ITSN2: variants seen among roughly 807,000 people sequenced by gnomAD.
ITSN2 encodes intersectin-2.
In ITSN2, 156 loss-of-function variants were observed where a neutral mutation model predicts 243.7. That is an observed-to-expected ratio of 0.64 (90% CI 0.56 to 0.73). ITSN2 has a LOEUF of 0.73. Ranked by LOEUF, ITSN2 falls within the 30% of genes least tolerant of loss-of-function variation. ITSN2 has a pLI of 0.00. For missense variants in ITSN2, 1,801 were observed against 1,996.1 expected, an observed-to-expected ratio of 0.90 and a Z score of 1.86; for synonymous variants, 703 against 699.9, an observed-to-expected ratio of 1.00 and a Z score of -0.07.
intron 29 of ITSN2, chr2:24,240,203 C>T (rs1239014001): frequency 1.3e-5 from 2 of 152,070 alleles, no homozygotes; most frequent in African/African-American, 2.4e-5. Context: ...TTTAAAGTAA[C>T]TGTCTTTGAA....
At chr2:24,283,632 G>A (rs1005031862) in intron 17 of ITSN2, among the ~76,000 whole-genome samples, 2 of 152,194 alleles carry the variant, frequency 1.3e-5, no homozygotes, top group Non-Finnish European at 1.5e-5. Flanking sequence ...TGACTGCTCT[G>A]ACAGTATAGA....
At chr2:24,280,237 G>C (rs1275772696) in intron 17 of ITSN2, among the ~76,000 whole-genome samples, 1 of 152,182 alleles carries the variant, frequency 6.6e-6, no homozygotes, top group Admixed American at 6.5e-5. Flanking sequence ...GCCTAAAGGA[G>C]TGGTGGTTAA....
chr2:24,208,544 G>A (rs143335235), intron 36 of ITSN2, among the ~76,000 whole-genome samples: 1 of 152,340 alleles, frequency 6.6e-6, no homozygotes, highest in Non-Finnish European at 1.5e-5. Context: ...CACTCGCAAG[G>A]CGCTGGGACC....
At chr2:24,330,318 G>A (rs368855612) in intron 1 of ITSN2, 7 of 420,800 alleles carry the variant, frequency 1.7e-5, no homozygotes, top group Admixed American at 3.4e-5. Context: ...AAGAAGACGC[G>A]AGAACGAACC....
chr2:24,334,367 G>A (rs1686122016), intron 1 of ITSN2: 2 of 345,980 alleles, frequency 5.8e-6, no homozygotes, highest in Non-Finnish European at 1.1e-5. Flanking sequence ...CCTGATTTTT[G>A]TATTTTTAGT....
chr2:24,306,367 G>A (rs1297769748), intron 8 of ITSN2, among the ~76,000 whole-genome samples: 1 of 152,064 alleles, frequency 6.6e-6, no homozygotes, highest in Non-Finnish European at 1.5e-5. Flanking sequence ...TTTGCACATG[G>A]CCCCTTCCCC....
intron 2 of ITSN2, among the ~76,000 whole-genome samples, chr2:24,318,270 T>G (rs1282377944): frequency 1.3e-5 from 2 of 152,160 alleles, no homozygotes; most frequent in Admixed American, 6.6e-5. Context: ...CTCAGCCGCC[T>G]GAGTAGCTGG....
intron 2 of ITSN2, chr2:24,326,649 G>A (rs1050482851): frequency 1.2e-5 from 2 of 168,978 alleles, no homozygotes; most frequent in Non-Finnish European, 2.9e-5. Context: ...CCCAATAGGA[G>A]CAATACTCAC....
At chr2:24,347,826 C>T (rs55863105) in intron 1 of ITSN2, among the ~76,000 whole-genome samples, 83,518 of 151,736 alleles carry the variant, frequency 0.55, 24,174 homozygotes, top group East Asian at 0.74. Context: ...AATCCTAGCG[C>T]TTTTGGGAGG....
At position 24,335,790 on chromosome 2, in the gene ITSN2, A is replaced by G. The variant is rs550977019; in HGVS notation, c.-33-7675T>C. Reference sequence around the variant, plus strand: ...AGTAGCTGGGATTAAGGTGCCTGCCACCATGCCCAGCTAATTTTTGTATTT... The same window carrying G: ...AGTAGCTGGGATTAAGGTGCCTGCCGCCATGCCCAGCTAATTTTTGTATTT... On this transcript the variant is annotated intron_variant, in intron 1 of 39. Transcript: ENST00000355123. 5.3e-5 allele frequency among the ~76,000 whole-genome samples: 8 copies of G among 151,588 alleles called. No homozygotes were observed. The South Asian group carries it at 1.5e-3, about 28-fold the overall frequency.
intron 15 of ITSN2, among the ~76,000 whole-genome samples, chr2:24,289,063 CTTTG>C (rs1679909419): frequency 6.6e-6 from 1 of 152,146 alleles, no homozygotes; most frequent in Admixed American, 6.5e-5. Flanking sequence ...ATGCTTCCAA[CTTTG>C]TTTTTCTTTC....
At chr2:24,277,838 CATAA>C (rs1312662591) in intron 17 of ITSN2, among the ~76,000 whole-genome samples, 3 of 152,138 alleles carry the variant, frequency 2.0e-5, no homozygotes, top group Non-Finnish European at 4.4e-5. Context: ...AAAATAAATA[CATAA>C]ATAAATAAAA....
chr2:24,343,281 A>C (rs1034462003), intron 1 of ITSN2, among the ~76,000 whole-genome samples: 6 of 152,176 alleles, frequency 3.9e-5, no homozygotes, highest in African/African-American at 1.4e-4. Context: ...CCAAGAAAAC[A>C]ATCATTAGCA....
intron 1 of ITSN2, among the ~76,000 whole-genome samples, chr2:24,346,490 C>T (rs1687545120): frequency 1.3e-5 from 2 of 152,136 alleles, no homozygotes; most frequent in South Asian, 4.1e-4. Flanking sequence ...GACATGACAG[C>T]TAAATGTAAT....
chr2:24,263,834 T>C (rs537547235), intron 20 of ITSN2, among the ~76,000 whole-genome samples: 59 of 152,228 alleles, frequency 3.9e-4, no homozygotes, highest in Non-Finnish European at 7.3e-4. Flanking sequence ...TTTTTCTAGT[T>C]TTTGGCTATT....
At chr2:24,240,848 A>G (rs1468905897) in intron 29 of ITSN2, 1 of 152,238 alleles carries the variant, frequency 6.6e-6, no homozygotes, top group Non-Finnish European at 1.5e-5. Context: ...ATAGTATAAT[A>G]CTGTCTACTA....
At chr2:24,206,579 T>TG (rs899193161) in intron 37 of ITSN2, among the ~76,000 whole-genome samples, 1 of 116,128 alleles carries the variant, frequency 8.6e-6, no homozygotes. Flanking sequence ...CAGGGTGGGG[T>TG]GGGGGGTGCT....
chr2:24,235,287 T>C (rs1297316679), intron 29 of ITSN2, among the ~76,000 whole-genome samples: 1 of 151,890 alleles, frequency 6.6e-6, no homozygotes, highest in Non-Finnish European at 1.5e-5. Flanking sequence ...AGGGCAAAAC[T>C]ATGGAGACAG....
At chr2:24,243,372 T>C (rs1413226129) in intron 29 of ITSN2, among the ~76,000 whole-genome samples, 2 of 152,178 alleles carry the variant, frequency 1.3e-5, no homozygotes, top group South Asian at 2.1e-4. Flanking sequence ...AATGTTAACA[T>C]AGAATCCAAA....
Sources: gnomAD v4.1 joint callset for allele counts (sites outside exome capture counted in the v4.1 genomes callset) on GRCh38, gnomAD v4.1.1 for gene constraint, MANE v1.5 for transcripts, NCBI Gene and HGNC (gene_info 2026-07-23, HGNC 2026-07-21) for gene names.